The following ARHGAP12 variants were observed in gnomAD, a reference collection of about 807,000 sequenced individuals.
ARHGAP12 encodes Rho GTPase activating protein 12.
ARHGAP12 carries 64 observed loss-of-function variants against 108.6 expected under a neutral mutation model. That is an observed-to-expected ratio of 0.59 (90% confidence interval 0.48 to 0.73). ARHGAP12 has a LOEUF of 0.73. ARHGAP12 is among the 30% of genes least tolerant of loss of function. The pLI is 0.00. For missense variants in ARHGAP12, 940 were observed against 1,005.9 expected, an observed-to-expected ratio of 0.93 and a Z score of 0.89; for synonymous variants, 312 against 337.2, an observed-to-expected ratio of 0.93 and a Z score of 0.82.
At chr10:31,812,648 C>T in intron 15 of ARHGAP12, 59 bp downstream of exon 15, 1 of 1,073,396 alleles carries the variant, frequency 9.3e-7, no homozygotes, top group Admixed American at 2.3e-5. Context: ...TAATTTGAAA[C>T]ATTTTATTTA....
chr10:31,812,652 T>A (rs1162762032), intron 15 of ARHGAP12, 55 bp downstream of exon 15: 1 of 1,115,050 alleles, frequency 9.0e-7, no homozygotes, highest in Non-Finnish European at 1.3e-6. Flanking sequence ...TTGAAACATT[T>A]TATTTATGAC....
chr10:31,825,777 G>C (rs1835581892), intron 11 of ARHGAP12, among the ~76,000 whole-genome samples: 1 of 152,138 alleles, frequency 6.6e-6, no homozygotes, highest in Non-Finnish European at 1.5e-5. Flanking sequence ...CTGAAGAGTA[G>C]AGTAATGATA....
At chr10:31,868,599 T>C (rs750633039) in intron 3 of ARHGAP12, among the ~76,000 whole-genome samples, 1 of 152,010 alleles carries the variant, frequency 6.6e-6, no homozygotes, top group Non-Finnish European at 1.5e-5. Flanking sequence ...CCAGAGTTAC[T>C]GGGGGTGGCA....
intron 16 of ARHGAP12, among the ~76,000 whole-genome samples, chr10:31,810,414 T>C (rs1186873362): frequency 2.0e-5 from 3 of 152,186 alleles, no homozygotes; most frequent in Non-Finnish European, 4.4e-5. Flanking sequence ...AAGAATAGCA[T>C]ATACTTAATT....
rs1451074577 is a variant in ARHGAP12 at position 31,887,654 on chromosome 10, T to C, written c.684+20518A>G. Among the ~76,000 whole-genome samples, 12 of 123,184 alleles carry C rather than the reference T, an allele frequency of 9.7e-5. No individual in the cohort carries two copies. In the Admixed American group the frequency reaches 1.1e-3, roughly 11 times the overall value. 80.8% of individuals were successfully genotyped at this position (123,184 alleles called of 152,430 possible). ...GAGTATCATTTTGCCCTTCCTGTTT[T>C]TTTTTTGTTTTTTTTTTTTTTGAGA... On this transcript the variant is annotated intron_variant, in intron 3 of 19. Transcript: ENST00000344936.
intron 3 of ARHGAP12, among the ~76,000 whole-genome samples, chr10:31,871,428 T>C (rs953408441): frequency 6.6e-6 from 1 of 152,204 alleles, no homozygotes; most frequent in Non-Finnish European, 1.5e-5. Flanking sequence ...TGTATTCATA[T>C]GCTAAGACTT....
At chr10:31,849,874 C>T (rs889417326) in intron 6 of ARHGAP12, among the ~76,000 whole-genome samples, 1 of 152,162 alleles carries the variant, frequency 6.6e-6, no homozygotes, top group African/African-American at 2.4e-5. Flanking sequence ...TCATTAAAGG[C>T]ATCTCTGAAA....
At chr10:31,897,441 C>T (rs2132422682) in intron 3 of ARHGAP12, among the ~76,000 whole-genome samples, 1 of 152,198 alleles carries the variant, frequency 6.6e-6, no homozygotes, top group South Asian at 2.1e-4. Context: ...AACAGGCCTC[C>T]AGTACATCAA....
At chr10:31,871,847 G>A (rs1224227123) in intron 3 of ARHGAP12, among the ~76,000 whole-genome samples, 2 of 152,186 alleles carry the variant, frequency 1.3e-5, no homozygotes, top group South Asian at 2.1e-4. Flanking sequence ...TCATGGGAGT[G>A]CACAATTAGG....
rs567626260 is a variant in ARHGAP12, at chr10:31,870,230, C to CT, written c.685-8573dup. ...AAGTCTCCTTTACCATAATTTCTGT[C>CT]TTTTTTTTTTTTTTTTGAGATGGAA... On this transcript the variant is annotated intron_variant, in intron 3 of 19. Transcript: ENST00000344936. 2.9e-3 allele frequency among the ~76,000 whole-genome samples: 407 copies of CT among 138,220 alleles called. 3 individuals carry two copies. The highest frequency in any genetic ancestry group is 4.8e-3 in the South Asian group (21 of 4,368). 90.7% of individuals were successfully genotyped at this position (138,220 alleles called of 152,430 possible). A position where few individuals can be genotyped will look rare whatever the true frequency, so the allele number is the denominator to read the frequency against.
At chr10:31,821,027 A>C (rs1835397808) in intron 11 of ARHGAP12, among the ~76,000 whole-genome samples, 1 of 152,176 alleles carries the variant, frequency 6.6e-6, no homozygotes, top group Non-Finnish European at 1.5e-5. Context: ...TATCAGGTAG[A>C]TAACAAGCGC....
At chr10:31,895,746 C>A (rs576843522) in intron 3 of ARHGAP12, among the ~76,000 whole-genome samples, 1 of 152,166 alleles carries the variant, frequency 6.6e-6, no homozygotes, top group African/African-American at 2.4e-5. Context: ...TGGGTATATA[C>A]CCCAAGAATT....
intron 18 of ARHGAP12, 106 bp downstream of exon 18, chr10:31,808,888 T>C (rs1272080902): frequency 3.6e-6 from 5 of 1,377,966 alleles, no homozygotes; most frequent in Middle Eastern, 3.9e-4. Flanking sequence ...AGTAAAACAA[T>C]CTGTTGAAAA....
intron 10 of ARHGAP12, among the ~76,000 whole-genome samples, chr10:31,829,819 T>C (rs1246222400): frequency 6.6e-6 from 1 of 152,174 alleles, no homozygotes; most frequent in Non-Finnish European, 1.5e-5. Context: ...CAAACTACCA[T>C]TTGTAGAGTT....
At position 31,805,979 on chromosome 10, in the gene ARHGAP12, C is replaced by A. The variant is rs1395074071; in HGVS notation, c.*1679G>T. Reference sequence around the variant, plus strand: ...AATACAGACTTTCTACCACAAAATTCAGGTGAGAGGTTTTTAGACAGATCA... The same window carrying A: ...AATACAGACTTTCTACCACAAAATTAAGGTGAGAGGTTTTTAGACAGATCA... On this transcript the variant is annotated 3_prime_UTR_variant, in exon 20 of 20. Coordinates refer to ENST00000344936, the MANE Select transcript of ARHGAP12 (RefSeq NM_018287.7). The A allele has an allele frequency of 6.6e-6, 1 of 152,070 alleles. No homozygotes were observed. Among genetic ancestry groups the A allele is most frequent in the Non-Finnish European group, 1.5e-5 (1 of 67,988 alleles). The allele number at this position is 152,070 out of a possible 1,614,324, so 9.4% of individuals were successfully genotyped here.
chr10:31,894,348 C>G (rs1305228181), intron 3 of ARHGAP12, among the ~76,000 whole-genome samples: 1 of 151,850 alleles, frequency 6.6e-6, no homozygotes, highest in Non-Finnish European at 1.5e-5. Context: ...TCTAGAAAAC[C>G]CCATCGTCTC....
chr10:31,864,448 A>C (rs1837247405), intron 3 of ARHGAP12, among the ~76,000 whole-genome samples: 1 of 152,178 alleles, frequency 6.6e-6, no homozygotes, highest in Non-Finnish European at 1.5e-5. Context: ...GGAAAATAAA[A>C]CCAACTTCAT....
intron 3 of ARHGAP12, among the ~76,000 whole-genome samples, chr10:31,896,190 T>C (rs1388887243): frequency 6.6e-6 from 1 of 151,566 alleles, no homozygotes; most frequent in Non-Finnish European, 1.5e-5. Flanking sequence ...TATACATATG[T>C]AACAAACCTG....
intron 7 of ARHGAP12, 60 bp from the exon 8 acceptor site, chr10:31,839,771 T>C: frequency 7.3e-7 from 1 of 1,375,700 alleles, no homozygotes; most frequent in Non-Finnish European, 1.0e-6. Context: ...TTTCTGCCTC[T>C]ACTCACAGTG....
Sources: gnomAD v4.1 joint callset for allele counts (sites outside exome capture counted in the v4.1 genomes callset) on GRCh38, gnomAD v4.1.1 for gene constraint, MANE v1.5 for transcripts, NCBI Gene and HGNC (gene_info 2026-07-23, HGNC 2026-07-21) for gene names.